Variants in ANK3 observed in about 807,000 individuals in gnomAD.
The protein encoded by ANK3 is ankyrin-3.
Under a neutral mutation model 370.9 loss-of-function variants are expected in ANK3, and 57 were observed. That is an observed-to-expected ratio of 0.15 (90% CI 0.12 to 0.19). The LOEUF is 0.19. Ranked by LOEUF, ANK3 falls within the 10% of genes least tolerant of loss-of-function variation. The pLI, the probability that ANK3 is intolerant of heterozygous loss-of-function variation, is 1.00. For missense variants in ANK3, 4,439 were observed against 5,302.1 expected (o/e 0.84, Z 5.06); for synonymous variants, 1,929 against 1,946.3 (o/e 0.99, Z 0.23).
intron 1 of ANK3, among the ~76,000 whole-genome samples, chr10:60,701,353 A>G (rs1233943238): frequency 2.0e-5 from 3 of 152,136 alleles, no homozygotes; most frequent in Non-Finnish European, 2.9e-5. Context: ...TGAAATACTC[A>G]TTTGCCCTTT....
intron 23 of ANK3, among the ~76,000 whole-genome samples, chr10:60,159,830 G>T (rs370423774): frequency 1.3e-5 from 2 of 151,910 alleles, no homozygotes; most frequent in Non-Finnish European, 2.9e-5. Context: ...TTATGTCAAC[G>T]AATAAATTAA....
At chr10:60,400,708 A>G (rs1156427936) in intron 2 of ANK3, among the ~76,000 whole-genome samples, 3 of 152,112 alleles carry the variant, frequency 2.0e-5, no homozygotes, top group Non-Finnish European at 4.4e-5. Context: ...TATTTTATTT[A>G]TTTTTTAATT....
chr10:60,701,086 T>A (rs149159374), intron 1 of ANK3, among the ~76,000 whole-genome samples: 1 of 152,012 alleles, frequency 6.6e-6, no homozygotes, highest in Non-Finnish European at 1.5e-5. Context: ...AAAGATATTG[T>A]TTAAAATGGT....
At chr10:60,685,007 G>A (rs1032688808) in intron 1 of ANK3, 3 of 1,549,496 alleles carry the variant, frequency 1.9e-6, no homozygotes, top group African/African-American at 2.7e-5. Flanking sequence ...CAGCCTACCT[G>A]CGCAATCATA....
At chr10:60,264,818 G>T (rs978137933) in intron 5 of ANK3, among the ~76,000 whole-genome samples, 6 of 152,012 alleles carry the variant, frequency 3.9e-5, no homozygotes, top group Non-Finnish European at 8.8e-5. Flanking sequence ...GTGAATTCAT[G>T]AACTGTACTC....
At chr10:60,166,755 T>G in intron 22 of ANK3, 69 bp downstream of exon 22, 2 of 1,592,026 alleles carry the variant, frequency 1.3e-6, no homozygotes, top group Non-Finnish European at 1.7e-6. Context: ...TGCAATGGAC[T>G]TTCTTCAGGA....
chr10:60,607,904 G>C (rs563818728), intron 2 of ANK3, among the ~76,000 whole-genome samples: 1 of 152,146 alleles, frequency 6.6e-6, no homozygotes, highest in Non-Finnish European at 1.5e-5. Flanking sequence ...ACCTAATGTC[G>C]TTATCAGCCA....
At chr10:60,134,762 C>T (rs556942980) in intron 24 of ANK3, among the ~76,000 whole-genome samples, 28 of 152,274 alleles carry the variant, frequency 1.8e-4, no homozygotes, top group Non-Finnish European at 4.0e-4. Context: ...ACATGCGCTA[C>T]TGATAAGAAT....
chr10:60,444,114 T>C (rs756392958), intron 2 of ANK3, among the ~76,000 whole-genome samples: 10 of 152,116 alleles, frequency 6.6e-5, no homozygotes, highest in Non-Finnish European at 1.5e-4. Flanking sequence ...TTCTCAGTAA[T>C]GGGATTGTGT....
At chr10:60,328,659 C>A (rs1438585430) in intron 1 of ANK3, among the ~76,000 whole-genome samples, 2 of 152,000 alleles carry the variant, frequency 1.3e-5, no homozygotes, top group Non-Finnish European at 2.9e-5. Flanking sequence ...AGCCGGCCAA[C>A]CAAAAAAAGC....
At chr10:60,558,925 G>A (rs2077271366) in intron 2 of ANK3, among the ~76,000 whole-genome samples, 1 of 152,078 alleles carries the variant, frequency 6.6e-6, no homozygotes, top group Non-Finnish European at 1.5e-5. Context: ...AAATTATTCT[G>A]ATTTGTAAAG....
chr10:60,234,929 G>A (rs967268380), intron 7 of ANK3, 143 bp from the exon 8 acceptor site: 1 of 561,178 alleles, frequency 1.8e-6, no homozygotes, highest in African/African-American at 1.9e-5. Context: ...TAATACTTCT[G>A]ACAGGAATTT....
chr10:60,415,367 G>A (rs1203102738), intron 2 of ANK3, among the ~76,000 whole-genome samples: 1 of 152,124 alleles, frequency 6.6e-6, no homozygotes, highest in Non-Finnish European at 1.5e-5. Context: ...TGGATCATCT[G>A]CAAAACGTAA....
In ANK3 at chr10:60,452,491, A is replaced by C. The variant is rs553537627; in HGVS notation, c.96+162695T>G. On this transcript the variant is annotated intron_variant, in intron 2 of 43. Transcript: ENST00000373827. ...ATTGATACCCTATCTTCAGTGAACTAAAGAGGAACCTTAGAGAACCCGTCT... is the reference window on the plus strand; with the variant it reads ...ATTGATACCCTATCTTCAGTGAACTCAAGAGGAACCTTAGAGAACCCGTCT... Among the ~76,000 whole-genome samples the C allele has an allele frequency of 4.1e-4, 63 of 152,308 alleles. No homozygotes were observed. The South Asian group carries it at 0.013, about 31-fold the overall frequency.
At position 60,072,393 on chromosome 10, in the gene ANK3, C is replaced by A. The variant is rs779056830; in HGVS notation, c.8488G>T (p.Ala2830Ser). The A allele has an allele frequency of 2.5e-6, 4 of 1,613,986 alleles. No individual in the cohort carries two copies. In the East Asian group the frequency reaches 8.9e-5, roughly 36 times the overall value. Residue 2830 changes from alanine (A) to serine (S), a missense_variant, in exon 37 of 44, where the codon GCT (alanine) becomes TCT (serine). Physicochemically the swap from Ala to Ser is moderately conservative, Grantham distance 99 (BLOSUM62 1). Around this residue, in one of 13 missense-constraint regions of ANK3, gnomAD observed 1,601 missense variants for 1,731.7 expected, o/e 0.92. Coordinates refer to ENST00000280772, the MANE Select transcript of ANK3 (RefSeq NM_020987.5). Reference sequence around the variant, plus strand: ...GTTATATGACATGCCAAGTCTTTAGCCTGCTGCTCAGAAAAAGAGTCAGGC... The same window carrying A: ...GTTATATGACATGCCAAGTCTTTAGACTGCTGCTCAGAAAAAGAGTCAGGC... ...AMPDSFSEQQ[A>S]KDLACHITSD...
At chr10:60,108,788 T>G in intron 27 of ANK3, 42 bp downstream of exon 27, 1 of 1,533,840 alleles carries the variant, frequency 6.5e-7, no homozygotes, top group Non-Finnish European at 9.0e-7. Flanking sequence ...AAATCAAAGA[T>G]GCATTGTGAG....
chr10:60,660,785 G>A (rs2078925502), intron 1 of ANK3, among the ~76,000 whole-genome samples: 1 of 152,106 alleles, frequency 6.6e-6, no homozygotes, highest in Non-Finnish European at 1.5e-5. Flanking sequence ...GGATGGGGGA[G>A]CATTAGAGGC....
chr10:60,474,992 G>C (rs1008439385), intron 2 of ANK3, among the ~76,000 whole-genome samples: 10 of 151,952 alleles, frequency 6.6e-5, no homozygotes, highest in Admixed American at 3.9e-4. Context: ...TAATATAAAT[G>C]TTATCTTGTT....
At chr10:60,604,834 T>C (rs2078109287) in intron 2 of ANK3, among the ~76,000 whole-genome samples, 1 of 152,128 alleles carries the variant, frequency 6.6e-6, no homozygotes, top group South Asian at 2.1e-4. Flanking sequence ...TCATAGATAG[T>C]GTGCTTTATT....
Sources: allele counts gnomAD v4.1 joint callset (sites outside exome capture counted in the v4.1 genomes callset), GRCh38; gene constraint gnomAD v4.1.1; regional missense constraint gnomAD v4.1.1; transcripts MANE v1.5; gene names NCBI Gene and HGNC (gene_info 2026-07-23, HGNC 2026-07-21).